The following TMEM50B variants were observed in gnomAD, a reference collection of about 807,000 sequenced individuals.
TMEM50B encodes the protein HCV p7-trans-regulated protein 3.
Under a neutral mutation model 23.4 loss-of-function variants are expected in TMEM50B, and 14 were observed. That is an observed-to-expected ratio of 0.60 (90% CI 0.39 to 0.93). The LOEUF is 0.93. Ranked by LOEUF, TMEM50B falls within the 40% of genes least tolerant of loss-of-function variation. The pLI is 0.00. For synonymous variants in TMEM50B, 64 were observed against 62.3 expected (o/e 1.03, Z -0.13); for missense variants, 159 against 193.0 (o/e 0.82, Z 1.04).
chr21:33,470,424 CAA>C (rs71194848), intron 1 of TMEM50B, among the ~76,000 whole-genome samples: 14 of 65,966 alleles, frequency 2.1e-4, no homozygotes, highest in African/African-American at 5.9e-4. Context: ...GACTGTGTCT[CAA>C]AAAAAAAAAA....
At chr21:33,437,370 T>TC (rs1451101222) in intron 8 of TMEM50B, 1 of 197,226 alleles carries the variant, frequency 5.1e-6, no homozygotes, top group Non-Finnish European at 1.1e-5. Flanking sequence ...ACACAACCTG[T>TC]CCCAGCGAGG....
chr21:33,437,267 G>T, intron 8 of TMEM50B: 1 of 334,212 alleles, frequency 3.0e-6, no homozygotes, highest in Non-Finnish European at 5.7e-6. Flanking sequence ...ACACATCTCT[G>T]ATACTTTTTT....
At chr21:33,433,005 C>T (rs1384266883) in intron 8 of TMEM50B, 2 of 752,688 alleles carry the variant, frequency 2.7e-6, no homozygotes, top group East Asian at 5.4e-5. Context: ...CCTGCCTCAG[C>T]CTCCTGAGTA....
intron 5 of TMEM50B, 175 bp from the exon 6 acceptor site, chr21:33,455,959 A>C: frequency 1.4e-6 from 1 of 698,372 alleles, no homozygotes. Context: ...AATTCCCCCA[A>C]AGCAAAGGAC....
intron 5 of TMEM50B, chr21:33,456,025 T>C: frequency 1.5e-6 from 1 of 682,740 alleles, no homozygotes; most frequent in East Asian, 2.9e-5. Flanking sequence ...TTAGTCAAAG[T>C]AATTGCTGGT....
intron 8 of TMEM50B, among the ~76,000 whole-genome samples, chr21:33,438,723 G>A (rs937889923): frequency 2.4e-5 from 3 of 122,554 alleles, no homozygotes; most frequent in Non-Finnish European, 4.8e-5. Flanking sequence ...CTGCTGGTAA[G>A]AAAGTGGCTT....
In TMEM50B at chr21:33,455,006, A is replaced by T. The variant is rs867013337; in HGVS notation, c.431+721T>A. Among the ~76,000 whole-genome samples, 8 of 152,080 alleles carry T rather than the reference A, an allele frequency of 5.3e-5. No homozygotes were observed. The Middle Eastern group carries it at 0.014, about 259-fold the overall frequency. On this transcript the variant is annotated intron_variant, in intron 6 of 6. Transcript: ENST00000542230. ...GTGGTGTGCACCTGTAGTCCCACCTACTCGGGAGGCTGAGGCATGGGAATC... is the reference window on the plus strand; with the variant it reads ...GTGGTGTGCACCTGTAGTCCCACCTTCTCGGGAGGCTGAGGCATGGGAATC...
At chr21:33,477,873 C>T (rs1363701567) in intron 1 of TMEM50B, among the ~76,000 whole-genome samples, 1 of 151,908 alleles carries the variant, frequency 6.6e-6, no homozygotes, top group Non-Finnish European at 1.5e-5. Flanking sequence ...CAGTGGCTCA[C>T]GCCTGTAATC....
intron 7 of TMEM50B, among the ~76,000 whole-genome samples, chr21:33,442,302 C>T (rs761732243): frequency 6.6e-6 from 1 of 152,096 alleles, no homozygotes; most frequent in Non-Finnish European, 1.5e-5. Context: ...GTGAAAGTGA[C>T]GTCTTTCTCC....
At chr21:33,436,475 C>A (rs1244919732) in intron 8 of TMEM50B, among the ~76,000 whole-genome samples, 1 of 152,186 alleles carries the variant, frequency 6.6e-6, no homozygotes. Flanking sequence ...ATAATCCCAG[C>A]ACTTTGGGAG....
intron 1 of TMEM50B, chr21:33,469,757 T>C (rs2084296060): frequency 6.6e-6 from 1 of 152,212 alleles, no homozygotes; most frequent in South Asian, 2.1e-4. Context: ...TAGTATTAAC[T>C]GCCAGACATG....
At chr21:33,440,913 G>A (rs541446475) in intron 7 of TMEM50B, among the ~76,000 whole-genome samples, 41 of 151,876 alleles carry the variant, frequency 2.7e-4, no homozygotes, top group Non-Finnish European at 5.2e-4. Flanking sequence ...TAACGTCTCT[G>A]TCCATAGTGT....
At chr21:33,474,198 G>GGTT (rs767206320) in intron 1 of TMEM50B, among the ~76,000 whole-genome samples, 2 of 150,056 alleles carry the variant, frequency 1.3e-5, no homozygotes, top group African/African-American at 2.4e-5. Context: ...CAGGGGAGGG[G>GGTT]GTTGTTGTTG....
chr21:33,436,888 G>A lies in TMEM50B; in HGVS notation c.*2120+2326C>T, dbSNP rs369529404. The A allele has an allele frequency of 7.4e-5, 119 of 1,613,756 alleles. No homozygotes were observed. Among genetic ancestry groups the A allele is most frequent in the Non-Finnish European group, 9.4e-5 (111 of 1,179,836 alleles). The stretch of plus-strand genomic sequence containing the variant: ...CTTGGACAAGGACAGCTCACCAAAG[G>A]ATGACGTCTGGGACTCTGTGTCCAT... On this transcript the variant is annotated intron_variant and NMD_transcript_variant, in intron 8 of 8. Transcript: ENST00000420455.
chr21:33,478,683 CG>C, intron 1 of TMEM50B: 1 of 447,718 alleles, frequency 2.2e-6, no homozygotes, highest in South Asian at 1.6e-5. Context: ...GCTTTTCCAG[CG>C]CGATAAATAT....
intron 4 of TMEM50B, among the ~76,000 whole-genome samples, chr21:33,463,925 A>G (rs2084240204): frequency 6.6e-6 from 1 of 152,196 alleles, no homozygotes; most frequent in Non-Finnish European, 1.5e-5. Context: ...CTCAAAAAAA[A>G]TTAATAAAAT....
At chr21:33,459,545 G>A (rs1437303704) in intron 5 of TMEM50B, among the ~76,000 whole-genome samples, 1 of 151,824 alleles carries the variant, frequency 6.6e-6, no homozygotes, top group Non-Finnish European at 1.5e-5. Context: ...GCGTGCACCT[G>A]TAATCCCAGC....
At chr21:33,436,007 G>C (rs2083944368) in intron 8 of TMEM50B, among the ~76,000 whole-genome samples, 1 of 151,968 alleles carries the variant, frequency 6.6e-6, no homozygotes, top group Non-Finnish European at 1.5e-5. Context: ...GTTGCAGTGA[G>C]CCGAGATCGC....
At chr21:33,468,154 G>A (rs1429192445) in intron 2 of TMEM50B, among the ~76,000 whole-genome samples, 1 of 147,344 alleles carries the variant, frequency 6.8e-6, no homozygotes, top group Non-Finnish European at 1.5e-5. Flanking sequence ...TTTTTTTTAA[G>A]CTGGATGATA....
Sources: gnomAD v4.1 joint callset for allele counts (sites outside exome capture counted in the v4.1 genomes callset) on GRCh38, gnomAD v4.1.1 for gene constraint, MANE v1.5 for transcripts, NCBI Gene and HGNC (gene_info 2026-07-23, HGNC 2026-07-21) for gene names.